EED: variants seen among roughly 807,000 people sequenced by gnomAD.
EED encodes polycomb protein EED.
A neutral mutation model predicts 61.0 loss-of-function variants in EED; 9 were observed. The observed-to-expected ratio is 0.15, with a 90% CI of 0.09 to 0.26. EED has a LOEUF of 0.26. EED is among the 10% of genes least tolerant of loss of function. The pLI is 1.00. For synonymous variants in EED, 187 were observed against 174.4 expected, an observed-to-expected ratio of 1.07 and a Z score of -0.57; for missense variants, 315 against 542.3, an observed-to-expected ratio of 0.58 and a Z score of 4.16.
chr11:86,256,551 GA>G (rs1403803988), intron 5 of EED, 39 bp downstream of exon 5: 2 of 1,514,024 alleles, frequency 1.3e-6, no homozygotes, highest in Admixed American at 4.2e-5. Context: ...TGCTTCTTTT[GA>G]ATCCACAACT....
intron 3 of EED, 114 bp from the exon 4 acceptor site, chr11:86,255,105 GGCA>G: frequency 1.4e-6 from 1 of 721,450 alleles, no homozygotes; most frequent in Non-Finnish European, 2.2e-6. Flanking sequence ...GGTATTTTAA[GGCA>G]GTAGTTTCTG....
At chr11:86,267,221 A>G (rs1593756440) in intron 8 of EED, among the ~76,000 whole-genome samples, 1 of 152,222 alleles carries the variant, frequency 6.6e-6, no homozygotes, top group Non-Finnish European at 1.5e-5. Context: ...AGCAATTAAT[A>G]TAATTATAGC....
downstream of EED, among the ~76,000 whole-genome samples, chr11:86,281,864 C>T (rs1027840425): frequency 6.6e-6 from 1 of 152,042 alleles, no homozygotes; most frequent in African/African-American, 2.4e-5. Context: ...CTTTTTTGAC[C>T]CAATAATTGT....
chr11:86,277,794 G>A (rs1197974701), intron 10 of EED, 124 bp from the exon 11 acceptor site: 2 of 835,744 alleles, frequency 2.4e-6, no homozygotes, highest in Non-Finnish European at 3.4e-6. Context: ...CAAAGAAATA[G>A]CCAAGAGCAC....
Position 86,268,474 on chromosome 11 carries a change from A to G in EED, c.879A>G (p.Lys293=). The part of the protein sequence containing the change: ...NKTNRPFISQ[K]IHFPDFSTRD... ...CCTTCAGGCCATTTATTTCTCAGAA[A>G]ATCCATTTTCCTGATTTTTCTACCA... The change falls in exon 9 of 12, where the codon AAA becomes AAG. Residue 293 remains lysine (K), a synonymous_variant. Transcript: ENST00000263360. 1 of 1,598,560 alleles carries G rather than the reference A, an allele frequency of 6.3e-7. No homozygotes were observed. Among genetic ancestry groups the G allele is most frequent in the Non-Finnish European group, 8.5e-7 (1 of 1,171,172 alleles).
At chr11:86,256,538 A>T (rs767745744) in intron 5 of EED, 26 bp downstream of exon 5, 6 of 1,535,500 alleles carry the variant, frequency 3.9e-6, no homozygotes, top group South Asian at 2.5e-5. Flanking sequence ...TAAATTGTAG[A>T]TCTGCTTCTT....
Position 86,245,892 on chromosome 11 carries a change from T to C in EED, c.114+549T>C, listed in dbSNP as rs1945379628. On this transcript the variant is annotated intron_variant, in intron 1 of 11. Coordinates refer to ENST00000263360, the MANE Select transcript of EED (RefSeq NM_003797.5). ...GGGTGCGCCTGAAGGTCGCCTTTTC[T>C]GTAGGAGGAGCCGAATTGAGAGGAT... 2.0e-5 allele frequency among the ~76,000 whole-genome samples: 3 copies of C among 152,232 alleles called. No homozygotes were observed. In the South Asian group the frequency reaches 6.2e-4, roughly 32 times the overall value.
intron 9 of EED, chr11:86,270,279 A>T: frequency 2.2e-6 from 1 of 462,462 alleles, no homozygotes; most frequent in Non-Finnish European, 3.9e-6. Context: ...GTGCTTATTT[A>T]CCATTCGTAT....
chr11:86,275,627 T>C (rs182415297), intron 9 of EED, among the ~76,000 whole-genome samples: 1 of 152,330 alleles, frequency 6.6e-6, no homozygotes, highest in East Asian at 1.9e-4. Context: ...CCGGTGCAGT[T>C]AGTAAGAAGC....
Position 86,278,638 on chromosome 11 carries a change from A to AT in EED, c.*114dup, listed in dbSNP as rs1565707262. On this transcript the variant is annotated 3_prime_UTR_variant, in exon 12 of 12. Transcript: ENST00000263360. ...ATTTAGAGTTGTCTTTCAGCATTCA[A>AT]TCAGGCTGAGCTGAATGTAGTGATG... 6 of 1,386,138 alleles carry AT rather than the reference A, an allele frequency of 4.3e-6. No homozygotes were observed. Among genetic ancestry groups the AT allele is most frequent in the Non-Finnish European group, 5.9e-6 (6 of 1,023,102 alleles). 85.9% of individuals were successfully genotyped at this position (1,386,138 alleles called of 1,614,324 possible). A position where few individuals can be genotyped will look rare whatever the true frequency, so the allele number is the denominator to read the frequency against.
chr11:86,275,960 G>T (rs1946218751), intron 9 of EED, among the ~76,000 whole-genome samples: 1 of 152,184 alleles, frequency 6.6e-6, no homozygotes, highest in South Asian at 2.1e-4. Flanking sequence ...TTAAATGCCT[G>T]TGAACCCCAC....
At chr11:86,279,080 A>G, downstream of EED, among the ~76,000 whole-genome samples, 1 of 152,344 alleles carries the variant, frequency 6.6e-6, no homozygotes, top group Non-Finnish European at 1.5e-5. Flanking sequence ...TTCTGTGTTT[A>G]TAATTATTGG....
At chr11:86,273,737 C>A (rs1194826970) in intron 9 of EED, among the ~76,000 whole-genome samples, 2 of 152,206 alleles carry the variant, frequency 1.3e-5, no homozygotes, top group African/African-American at 4.8e-5. Context: ...CCTCTTTGGC[C>A]TCCATAATTC....
chr11:86,276,843 C>A (rs916556583), intron 9 of EED, 137 bp from the exon 10 acceptor site: 10 of 583,546 alleles, frequency 1.7e-5, no homozygotes, highest in Admixed American at 4.0e-5. Flanking sequence ...AATGAATGTA[C>A]ATCACTGTAC....
chr11:86,267,768 T>A (rs1306265123), intron 8 of EED: 2 of 140,446 alleles, frequency 1.4e-5, no homozygotes, highest in African/African-American at 5.2e-5. Flanking sequence ...CCTGGCTAAT[T>A]TTTTTTTTTT....
the EED span, among the ~76,000 whole-genome samples, chr11:86,286,989 A>G: frequency 7.9e-5 from 12 of 151,202 alleles, no homozygotes; most frequent in South Asian, 2.1e-4. Flanking sequence ...AAAAAAAAAA[A>G]AAAAAGAAAT....
At chr11:86,262,298 G>A (rs1006019639) in intron 6 of EED, among the ~76,000 whole-genome samples, 5 of 152,132 alleles carry the variant, frequency 3.3e-5, no homozygotes, top group Non-Finnish European at 7.3e-5. Context: ...TAAGCAGCCA[G>A]AAGAAGCCAT....
chr11:86,252,132 CATG>C lies in EED; in HGVS notation c.268-13_268-11del. Reference sequence around the variant, plus strand: ...AAGATACATTAATCTTTTCTTATTTCATGATTATTTTATAGGAAGATCATAACC... The same window carrying C: ...AAGATACATTAATCTTTTCTTATTTCATTATTTTATAGGAAGATCATAACC... On this transcript the variant is annotated splice_polypyrimidine_tract_variant and intron_variant, in intron 2 of 11. Transcript: ENST00000263360. 6.3e-7 allele frequency: 1 copy of C among 1,596,140 alleles called. No homozygotes were observed. Among genetic ancestry groups the C allele is most frequent in the Non-Finnish European group, 8.6e-7 (1 of 1,166,434 alleles).
intron 1 of EED, among the ~76,000 whole-genome samples, chr11:86,249,467 A>G (rs751295437): frequency 3.3e-4 from 50 of 151,910 alleles, no homozygotes; most frequent in Non-Finnish European, 5.4e-4. Flanking sequence ...TTTTCTTTCC[A>G]AAGGAGACAT....
Sources: allele counts gnomAD v4.1 joint callset (sites outside exome capture counted in the v4.1 genomes callset), GRCh38; gene constraint gnomAD v4.1.1; transcripts MANE v1.5; gene names NCBI Gene and HGNC (gene_info 2026-07-23, HGNC 2026-07-21).